Variants in HTRA3 observed in about 807,000 individuals in gnomAD.
HTRA3 encodes serine protease HTRA3.
A neutral mutation model predicts 43.2 loss-of-function variants in HTRA3; 41 were observed. The ratio of observed to expected loss-of-function variants is 0.95; its 90% CI spans 0.74 to 1.23. The LOEUF is 1.23. Among genes scored for constraint, HTRA3 ranks in the 50% most tolerant of loss-of-function variants. HTRA3 has a pLI of 0.00. For missense variants in HTRA3, 628 were observed against 647.1 expected (o/e 0.97, Z 0.32); for synonymous variants, 295 against 287.9 (o/e 1.02, Z -0.25).
At chr4:8,271,797 T>C (rs909366991) in intron 1 of HTRA3, among the ~76,000 whole-genome samples, 8 of 152,186 alleles carry the variant, frequency 5.3e-5, no homozygotes, top group African/African-American at 9.7e-5. Flanking sequence ...GGAGGAACCC[T>C]TGTGACCTCA....
In HTRA3 at chr4:8,270,889, C is replaced by T. The variant is rs1712242714; in HGVS notation, c.385+536C>T. Among the ~76,000 whole-genome samples the T allele has an allele frequency of 2.0e-5, 3 of 152,168 alleles. No homozygotes were observed. In the South Asian group the frequency reaches 6.2e-4, roughly 32 times the overall value. ...GGGGAGAGAATGTCGGGGTCAGACC[C>T]TAGAACAGCCTCCCTTGAGGCAGTC... On this transcript the variant is annotated intron_variant, in intron 1 of 8. Transcript: ENST00000307358.
At chr4:8,305,885 C>A (rs1411040462) in intron 8 of HTRA3, 86 bp from the exon 9 acceptor site, 2 of 1,458,356 alleles carry the variant, frequency 1.4e-6, no homozygotes, top group East Asian at 2.3e-5. Flanking sequence ...TGTCATTGAC[C>A]CTGACTGTGC....
intron 7 of HTRA3, among the ~76,000 whole-genome samples, chr4:8,303,295 G>A (rs1713727737): frequency 6.6e-6 from 1 of 152,186 alleles, no homozygotes; most frequent in Non-Finnish European, 1.5e-5. Flanking sequence ...ACCCCATCCT[G>A]CCTCCTCGGC....
intron 6 of HTRA3, among the ~76,000 whole-genome samples, chr4:8,301,041 ACT>A (rs1346425194): frequency 4.4e-5 from 6 of 135,606 alleles, no homozygotes; most frequent in Non-Finnish European, 7.9e-5. Flanking sequence ...ATTGATTCAC[ACT>A]CTCAGCTTTA....
chr4:8,296,461 TC>T lies in HTRA3; in HGVS notation c.1051+2262del. Reference sequence around the variant, plus strand: ...TGCTTCTCTTTTTTATTTAATAAAATCCAATGATCCAAACCCAGTTAATCTA... The same window carrying T: ...TGCTTCTCTTTTTTATTTAATAAAATCAATGATCCAAACCCAGTTAATCTA... On this transcript the variant is annotated intron_variant, in intron 6 of 8. Transcript: ENST00000307358. This position sits in a 1 kb window ranked among gnomAD's most constrained non-coding sequence, Gnocchi z 5.3. The T allele has an allele frequency of 1.0e-6, 1 of 984,994 alleles. No homozygotes were observed. Among genetic ancestry groups the T allele is most frequent in the Non-Finnish European group, 1.2e-6 (1 of 829,476 alleles). 61.0% of individuals were successfully genotyped at this position (984,994 alleles called of 1,614,324 possible).
intron 5 of HTRA3, among the ~76,000 whole-genome samples, chr4:8,293,428 C>T (rs1207012732): frequency 6.6e-6 from 1 of 152,130 alleles, no homozygotes; most frequent in Non-Finnish European, 1.5e-5. Context: ...GTGCCTTGAC[C>T]CAAAGCTCTG....
Position 8,291,575 on chromosome 4 carries a change from G to C in HTRA3, c.903+11G>C, listed in dbSNP as rs1469015877. The C allele has an allele frequency of 6.4e-7, 1 of 1,552,206 alleles. No homozygotes were observed. The highest frequency in any genetic ancestry group is 8.7e-7 in the Non-Finnish European group (1 of 1,146,906). ...GATGCCATCATCAACGTGAGTCCCA[G>C]GGACAGGAGGCCGGGGCACCTGCCA... On this transcript the variant is annotated intron_variant, in intron 4 of 8. Transcript: ENST00000307358.
intron 6 of HTRA3, among the ~76,000 whole-genome samples, chr4:8,299,162 T>G (rs567922892): frequency 1.2e-4 from 18 of 152,370 alleles, no homozygotes; most frequent in African/African-American, 4.3e-4. Flanking sequence ...AACTTCTCTC[T>G]GCAATGTTTT....
chr4:8,271,244 C>T (rs996380987), intron 1 of HTRA3, among the ~76,000 whole-genome samples: 7 of 152,238 alleles, frequency 4.6e-5, no homozygotes, highest in Admixed American at 3.9e-4. Context: ...CTGCGGTCCG[C>T]TGAACACAAT....
intron 7 of HTRA3, among the ~76,000 whole-genome samples, chr4:8,303,203 C>T (rs1350595848): frequency 6.6e-6 from 1 of 152,248 alleles, no homozygotes; most frequent in African/African-American, 2.4e-5. Context: ...GGTGCCTCCT[C>T]ATAGCACACA....
chr4:8,286,851 G>C lies in HTRA3; in HGVS notation c.708+68G>C, dbSNP rs548807264. The C allele has an allele frequency of 1.6e-6, 2 of 1,215,818 alleles. No homozygotes were observed. Among genetic ancestry groups the C allele is most frequent in the African/African-American group, 3.0e-5 (2 of 66,630 alleles). 75.3% of individuals were successfully genotyped at this position (1,215,818 alleles called of 1,614,324 possible). The stretch of plus-strand genomic sequence containing the variant: ...GCATGGTGGCCTCTTCCCAGACGCC[G>C]GAACCCAGAGGCAAGCTAGCCCCAC... On this transcript the variant is annotated intron_variant, in intron 3 of 8. Coordinates refer to ENST00000307358, the MANE Select transcript of HTRA3 (RefSeq NM_053044.5). The surrounding 1 kb of genome is among the most constrained non-coding windows in gnomAD (Gnocchi z 4.9).
chr4:8,288,473 C>T (rs1489803901), intron 3 of HTRA3, among the ~76,000 whole-genome samples: 4 of 152,090 alleles, frequency 2.6e-5, no homozygotes, highest in Non-Finnish European at 5.9e-5. Context: ...CGGGGTTTCT[C>T]CATGTTGGTC....
At chr4:8,288,626 G>A (rs1376307018) in intron 3 of HTRA3, among the ~76,000 whole-genome samples, 1 of 148,542 alleles carries the variant, frequency 6.7e-6, no homozygotes, top group East Asian at 2.0e-4. Flanking sequence ...AGGCTGGAGT[G>A]CAGTAGCAGG....
chr4:8,286,331 C>T lies in HTRA3; in HGVS notation c.486-230C>T, dbSNP rs1055228821. ...CAGCCTGTCTCATCTCAGCAAATTG[C>T]AGCGAGAGGTGATCATCATCACCTC... On this transcript the variant is annotated intron_variant, in intron 2 of 8. Transcript: ENST00000307358. This position sits in a 1 kb window ranked among gnomAD's most constrained non-coding sequence, Gnocchi z 4.9. Among the ~76,000 whole-genome samples, 2 of 152,132 alleles carry T rather than the reference C, an allele frequency of 1.3e-5. No individual in the cohort carries two copies. Among genetic ancestry groups the T allele is most frequent in the African/African-American group, 4.8e-5 (2 of 41,432 alleles).
intron 5 of HTRA3, 145 bp from the exon 6 acceptor site, chr4:8,293,942 G>A (rs932830100): frequency 8.3e-6 from 5 of 599,004 alleles, no homozygotes; most frequent in Admixed American, 2.8e-5. Flanking sequence ...GATCCTGAGA[G>A]TGAGCTTTTC....
At chr4:8,275,455 C>G (rs1253234270) in intron 1 of HTRA3, among the ~76,000 whole-genome samples, 1 of 152,248 alleles carries the variant, frequency 6.6e-6, no homozygotes, top group Non-Finnish European at 1.5e-5. Context: ...CCGCAGACCC[C>G]TGTGAAACCC....
chr4:8,291,103 T>G (rs1447593407), intron 3 of HTRA3, among the ~76,000 whole-genome samples: 1 of 152,200 alleles, frequency 6.6e-6, no homozygotes, highest in Non-Finnish European at 1.5e-5. Flanking sequence ...CAGCTGCACA[T>G]GATGAGCACC....
At chr4:8,277,402 G>A (rs1277953483) in intron 1 of HTRA3, among the ~76,000 whole-genome samples, 1 of 152,208 alleles carries the variant, frequency 6.6e-6, no homozygotes, top group Non-Finnish European at 1.5e-5. Flanking sequence ...GCCCACTGCA[G>A]CGGGCCAGGT....
chr4:8,288,261 G>A (rs115636642), intron 3 of HTRA3, among the ~76,000 whole-genome samples: 2,464 of 152,294 alleles, frequency 0.016, 55 homozygotes, highest in African/African-American at 0.056. Context: ...CTCACGGACA[G>A]GAGTTGGCAA....
Sources: gnomAD v4.1 joint callset for allele counts (sites outside exome capture counted in the v4.1 genomes callset) on GRCh38, gnomAD v4.1.1 for gene constraint, Gnocchi (gnomAD v3.1) non-coding constraint, MANE v1.5 for transcripts, NCBI Gene and HGNC (gene_info 2026-07-23, HGNC 2026-07-21) for gene names.